The following OR6N1 variants were observed in gnomAD, a reference collection of about 807,000 sequenced individuals.
OR6N1 encodes the protein olfactory receptor family 6 subfamily N member 1, also known as olfactory receptor 6N1.
For synonymous variants in OR6N1, 170 were observed against 150.7 expected (o/e 1.13, Z -0.94); for missense variants, 394 against 371.7 (o/e 1.06, Z -0.49).
the OR6N1 span, among the ~76,000 whole-genome samples, chr1:158,801,037 C>G: frequency 6.6e-6 from 1 of 152,244 alleles, no homozygotes; most frequent in Admixed American, 6.5e-5. Flanking sequence ...TTTGCTCATT[C>G]ACTTCTCACC....
At chr1:158,831,766 G>A in the OR6N1 span, among the ~76,000 whole-genome samples, 1 of 152,092 alleles carries the variant, frequency 6.6e-6, no homozygotes, top group African/African-American at 2.4e-5. Context: ...AATGTATTTT[G>A]TCTACAGCAG....
chr1:158,830,289 G>T, the OR6N1 span, among the ~76,000 whole-genome samples: 1 of 152,164 alleles, frequency 6.6e-6, no homozygotes, highest in Non-Finnish European at 1.5e-5. Flanking sequence ...TGTGTTAGTG[G>T]CTGTCATTCT....
the OR6N1 span, among the ~76,000 whole-genome samples, chr1:158,833,489 C>T: frequency 1.3e-5 from 2 of 152,212 alleles, no homozygotes; most frequent in African/African-American, 4.8e-5. Flanking sequence ...CACCATTCCC[C>T]TTTCCTCCAG....
the OR6N1 span, among the ~76,000 whole-genome samples, chr1:158,836,886 TAATGA>T: frequency 6.6e-6 from 1 of 151,900 alleles, no homozygotes; most frequent in Non-Finnish European, 1.5e-5. Context: ...TCTTTGCATT[TAATGA>T]AATGATATGT....
At chr1:158,779,060 A>G in the OR6N1 span, among the ~76,000 whole-genome samples, 1 of 151,998 alleles carries the variant, frequency 6.6e-6, no homozygotes, top group South Asian at 2.1e-4. Context: ...CAAACATGAT[A>G]GAGTGGCAAT....
At chr1:158,786,771 T>C in the OR6N1 span, among the ~76,000 whole-genome samples, 2 of 152,302 alleles carry the variant, frequency 1.3e-5, no homozygotes, top group East Asian at 3.9e-4. Context: ...ATGTTCTCAC[T>C]TGTAAGTGGG....
chr1:158,777,289 G>A, the OR6N1 span: 11 of 1,614,144 alleles, frequency 6.8e-6, no homozygotes, highest in Non-Finnish European at 9.3e-6. Flanking sequence ...GGCCATGGCT[G>A]TAAGAAGGTA....
chr1:158,815,210 G>A, the OR6N1 span, among the ~76,000 whole-genome samples: 1 of 152,168 alleles, frequency 6.6e-6, no homozygotes, highest in Non-Finnish European at 1.5e-5. Context: ...ATCCTTAGGA[G>A]TCCCTTCATT....
At chr1:158,833,154 A>G in the OR6N1 span, among the ~76,000 whole-genome samples, 1 of 152,162 alleles carries the variant, frequency 6.6e-6, no homozygotes, top group Non-Finnish European at 1.5e-5. Flanking sequence ...TTAAGATAGT[A>G]AAAACACTAA....
intron 1 of OR6N1, among the ~76,000 whole-genome samples, chr1:158,769,160 T>TTTATTATTATTA (rs368084077): frequency 6.6e-6 from 1 of 151,650 alleles, no homozygotes; most frequent in African/African-American, 2.4e-5. Context: ...GAACACATAA[T>TTTATTATTATTA]TTATTATTAT....
chr1:158,819,495 T>C, the OR6N1 span, among the ~76,000 whole-genome samples: 1 of 152,204 alleles, frequency 6.6e-6, no homozygotes, highest in African/African-American at 2.4e-5. Context: ...TGATAAATGA[T>C]GTTTTTCATT....
chr1:158,769,296 T>A (rs1237999934), intron 1 of OR6N1, among the ~76,000 whole-genome samples: 2 of 152,030 alleles, frequency 1.3e-5, no homozygotes, highest in African/African-American at 4.8e-5. Context: ...CACAAGTAGC[T>A]GGGACTACAA....
the OR6N1 span, among the ~76,000 whole-genome samples, chr1:158,800,823 TAA>T: frequency 1.1e-4 from 17 of 152,192 alleles, no homozygotes; most frequent in Non-Finnish European, 4.4e-5. Flanking sequence ...ATTTCAAAAA[TAA>T]GTTTTCTTTT....
intron 1 of OR6N1, among the ~76,000 whole-genome samples, chr1:158,771,198 T>C (rs945676392): frequency 2.0e-5 from 3 of 152,214 alleles, no homozygotes; most frequent in Admixed American, 2.0e-4. Context: ...CTTTCACACT[T>C]CTAAATTCTC....
chr1:158,834,393 C>G, the OR6N1 span, among the ~76,000 whole-genome samples: 1 of 151,954 alleles, frequency 6.6e-6, no homozygotes, highest in South Asian at 2.1e-4. Context: ...CCACCATGCC[C>G]GGCTAATTTT....
the OR6N1 span, among the ~76,000 whole-genome samples, chr1:158,794,686 G>C: frequency 6.6e-6 from 1 of 152,164 alleles, no homozygotes; most frequent in African/African-American, 2.4e-5. Context: ...ATAATGTATT[G>C]AGCATGTGGA....
the OR6N1 span, among the ~76,000 whole-genome samples, chr1:158,810,313 T>C: frequency 6.6e-6 from 1 of 152,100 alleles, no homozygotes; most frequent in Non-Finnish European, 1.5e-5. Flanking sequence ...GCCCATTACC[T>C]GATGGTTTTG....
chr1:158,777,775 A>T, the OR6N1 span: 3 of 600,364 alleles, frequency 5.0e-6, no homozygotes, highest in Non-Finnish European at 9.0e-6. Flanking sequence ...CACTACTATT[A>T]CTATTACTGT....
At chr1:158,768,891 G>A (rs1657344118) in intron 1 of OR6N1, among the ~76,000 whole-genome samples, 1 of 152,006 alleles carries the variant, frequency 6.6e-6, no homozygotes, top group African/African-American at 2.4e-5. Flanking sequence ...CCTGTAAAAT[G>A]TACTTATTTC....
Sources: allele counts gnomAD v4.1 joint callset (sites outside exome capture counted in the v4.1 genomes callset), GRCh38; gene constraint gnomAD v4.1.1; transcripts MANE v1.5; gene names NCBI Gene and HGNC (gene_info 2026-07-23, HGNC 2026-07-21).